Variants in MCM5 observed in about 807,000 individuals in gnomAD.
MCM5 encodes the protein minichromosome maintenance complex component 5.
A neutral mutation model predicts 79.9 loss-of-function variants in MCM5; 46 were observed. The observed-to-expected ratio is 0.58, with a 90% CI of 0.45 to 0.74. The LOEUF is 0.74. MCM5 is among the 30% of genes least tolerant of loss of function. The pLI, the probability that MCM5 is intolerant of heterozygous loss-of-function variation, is 0.00. For missense variants in MCM5, 883 were observed against 1,017.0 expected (o/e 0.87, Z 1.79); for synonymous variants, 404 against 390.5 (o/e 1.03, Z -0.41).
At chr22:35,409,003 C>T (rs1932299190) in intron 6 of MCM5, among the ~76,000 whole-genome samples, 2 of 151,978 alleles carry the variant, frequency 1.3e-5, no homozygotes, top group African/African-American at 2.4e-5. Context: ...GGCTCTGTAG[C>T]CCAGGCTGGA....
chr22:35,420,023 G>A lies in MCM5; in HGVS notation c.1832+11G>A, dbSNP rs369409476. On this transcript the variant is annotated intron_variant, in intron 14 of 16. Transcript: ENST00000216122. ...CCCCATCACTGTGCGGTGAGCAGGC[G>A]GGCAGGGCTGGGCCATGGCAGATGG... 1.2e-5 allele frequency: 19 copies of A among 1,595,834 alleles called. No individual in the cohort carries two copies. Among genetic ancestry groups the A allele is most frequent in the East Asian group, 2.3e-5 (1 of 44,244 alleles).
rs1931992085 is a variant in MCM5 at position 35,400,162 on chromosome 22, G to C, written c.-55G>C. 3 of 439,410 alleles carry C rather than the reference G, an allele frequency of 6.8e-6. No individual in the cohort carries two copies. The South Asian group carries it at 7.0e-5, about 10-fold the overall frequency. The allele number at this position is 439,410 out of a possible 1,614,324, so 27.2% of individuals were successfully genotyped here. A position where few individuals can be genotyped will look rare whatever the true frequency, so the allele number is the denominator to read the frequency against. On this transcript the variant is annotated 5_prime_UTR_variant, in exon 1 of 17. Coordinates refer to ENST00000216122, the MANE Select transcript of MCM5 (RefSeq NM_006739.4). ...TTCCCGCGAAACTCGGCGGCTGAGC[G>C]TGGAGGTTCTTGTCTCCCCTGGTTT...
At chr22:35,428,754 G>A (rs973266478), downstream of MCM5, among the ~76,000 whole-genome samples, 2 of 151,924 alleles carry the variant, frequency 1.3e-5, no homozygotes, top group African/African-American at 4.8e-5. Flanking sequence ...CTCCTACTCA[G>A]GGCTCACCAC....
In MCM5 at chr22:35,423,258, C is replaced by T. The variant is rs752267017; in HGVS notation, c.2020C>T (p.Arg674Cys). Residue 674 changes from arginine to cysteine, a missense_variant, in exon 16 of 17, where the codon CGC becomes TGC. This residue lies in a region of MCM5 where 426 missense variants were observed against 482.3 expected (regional missense o/e 0.88). Coordinates refer to ENST00000216122, the MANE Select transcript of MCM5 (RefSeq NM_006739.4). ...CCAGGAGGACCAGGAGATGCTGAGCCGCATCGAGAAGCAGCTCAAGCGCCG... is the reference window on the plus strand; with the variant it reads ...CCAGGAGGACCAGGAGATGCTGAGCTGCATCGAGAAGCAGCTCAAGCGCCG... Reference protein sequence around the residue: ...TSQEDQEMLSRIEKQLKRRFA... With the variant: ...TSQEDQEMLSCIEKQLKRRFA... 1.7e-5 allele frequency: 27 copies of T among 1,605,588 alleles called. No homozygotes were observed. Among genetic ancestry groups the T allele is most frequent in the East Asian group, 9.0e-5 (4 of 44,336 alleles).
chr22:35,430,013 C>T (rs1254115950), downstream of MCM5, among the ~76,000 whole-genome samples: 2 of 152,194 alleles, frequency 1.3e-5, no homozygotes, highest in African/African-American at 4.8e-5. Flanking sequence ...AGTCTTGCAT[C>T]CCAGGAGCCC....
At chr22:35,407,413 G>A (rs1376083510) in intron 5 of MCM5, among the ~76,000 whole-genome samples, 1 of 151,980 alleles carries the variant, frequency 6.6e-6, no homozygotes, top group Non-Finnish European at 1.5e-5. Flanking sequence ...CAGCAGCCAG[G>A]TGTCCCTTGA....
At chr22:35,433,235 C>T in the MCM5 span, among the ~76,000 whole-genome samples, 1 of 152,144 alleles carries the variant, frequency 6.6e-6, no homozygotes, top group African/African-American at 2.4e-5. Context: ...TGGGCCTGGC[C>T]CCTTGATTCC....
intron 13 of MCM5, among the ~76,000 whole-genome samples, chr22:35,418,636 G>A (rs1204260588): frequency 6.7e-6 from 1 of 150,272 alleles, no homozygotes; most frequent in African/African-American, 2.5e-5. Context: ...CTTCAGCCTG[G>A]GCAACAGAGT....
chr22:35,421,259 G>A, intron 14 of MCM5, 59 bp from the exon 15 acceptor site: 1 of 1,562,838 alleles, frequency 6.4e-7, no homozygotes. Flanking sequence ...TAACGGGCTG[G>A]CTGGGGAGGA....
At position 35,416,663 on chromosome 22, in the gene MCM5, C is replaced by G. The variant is rs199670809; in HGVS notation, c.1439C>G (p.Ser480Cys). The G allele has an allele frequency of 1.4e-5, 23 of 1,613,986 alleles. No individual in the cohort carries two copies. Among genetic ancestry groups the G allele is most frequent in the Non-Finnish European group, 1.9e-5 (22 of 1,180,030 alleles). ...AKAGITTTLN[S>C]RCSVLAAANS... ...GCTGGGATCACCACCACCCTGAACT[C>G]CCGCTGCTCCGTCCTGGCTGCTGCC... Residue 480 changes from serine (S) to cysteine (C), a missense_variant, in exon 12 of 17, where the codon TCC (serine) becomes TGC (cysteine). Coordinates refer to ENST00000216122, the MANE Select transcript of MCM5 (RefSeq NM_006739.4).
intron 6 of MCM5, among the ~76,000 whole-genome samples, chr22:35,409,181 T>C (rs1444535223): frequency 6.6e-6 from 1 of 152,176 alleles, no homozygotes; most frequent in Non-Finnish European, 1.5e-5. Context: ...GCCAGGATGG[T>C]CTCGATCTCC....
At position 35,417,855 on chromosome 22, in the gene MCM5, G is replaced by T; in HGVS notation, c.1702G>T (p.Val568Leu). 6.2e-7 allele frequency: 1 copy of T among 1,613,254 alleles called. No individual in the cohort carries two copies. The highest frequency in any genetic ancestry group is 8.5e-7 in the Non-Finnish European group (1 of 1,179,218). The part of the protein sequence containing the change: ...KLKKFIAYCR[V>L]KCGPRLSAEA... ...GAAGAAGTTTATTGCCTACTGCCGA[G>T]TGTGAGTCCTGGACGCAGGCCCACG... Residue 568 changes from valine (V) to leucine (L), a missense_variant and splice_region_variant, in exon 13 of 17, where the codon GTG (valine) becomes TTG (leucine). Physicochemically the swap from Val to Leu is conservative, Grantham distance 32 (BLOSUM62 1). This residue lies in a region of MCM5 where 426 missense variants were observed against 482.3 expected (regional missense o/e 0.88). Transcript: ENST00000216122.
At chr22:35,400,289 T>C in intron 1 of MCM5, 81 bp downstream of exon 1, 2 of 832,580 alleles carry the variant, frequency 2.4e-6, no homozygotes, top group South Asian at 3.0e-5. Flanking sequence ...GGGACAGGAG[T>C]TTCTCGGGAA....
chr22:35,406,550 C>T lies in MCM5; in HGVS notation c.424-3C>T. On this transcript the variant is annotated splice_region_variant and splice_polypyrimidine_tract_variant and intron_variant, in intron 4 of 16. Transcript: ENST00000216122. ...AACAAGCTTCCCGATGGCTCTATTA[C>T]AGTCGGACATGATGTCACACCTGGT... is the stretch of plus-strand genomic sequence containing the variant. 1.9e-6 allele frequency: 3 copies of T among 1,612,360 alleles called. No homozygotes were observed. Among genetic ancestry groups the T allele is most frequent in the South Asian group, 1.1e-5 (1 of 90,806 alleles).
Position 35,403,844 on chromosome 22 carries a change from A to G in MCM5, c.423+302A>G, listed in dbSNP as rs961887956. Reference sequence around the variant, plus strand: ...AGAATTTTAAAGTAAATTCATGCACAGTGGCTCATGCCTCTAATCTTAGCA... The same window carrying G: ...AGAATTTTAAAGTAAATTCATGCACGGTGGCTCATGCCTCTAATCTTAGCA... On this transcript the variant is annotated intron_variant, in intron 4 of 16. Coordinates refer to ENST00000216122, the MANE Select transcript of MCM5 (RefSeq NM_006739.4). Among the ~76,000 whole-genome samples, 4 of 152,232 alleles carry G rather than the reference A, an allele frequency of 2.6e-5. No homozygotes were observed. The East Asian group carries it at 7.7e-4, about 29-fold the overall frequency.
intron 7 of MCM5, chr22:35,411,594 C>A (rs938354006): frequency 2.0e-5 from 3 of 152,254 alleles, no homozygotes; most frequent in Admixed American, 2.0e-4. Flanking sequence ...CCTGCTTACA[C>A]CTGAGGGCAG....
the MCM5 span, among the ~76,000 whole-genome samples, chr22:35,442,471 G>A: frequency 2.0e-5 from 3 of 152,166 alleles, no homozygotes; most frequent in Admixed American, 2.0e-4. Flanking sequence ...GCCTCACCGG[G>A]CTACAGTCAA....
At chr22:35,438,035 G>A in the MCM5 span, among the ~76,000 whole-genome samples, 1 of 152,102 alleles carries the variant, frequency 6.6e-6, no homozygotes, top group African/African-American at 2.4e-5. Flanking sequence ...GCGAGGGCAA[G>A]GAAGGGAAAG....
intron 2 of MCM5, 141 bp from the exon 3 acceptor site, chr22:35,403,066 G>A: frequency 1.0e-6 from 1 of 976,334 alleles, no homozygotes; most frequent in Non-Finnish European, 1.5e-6. Context: ...TCTGGAATTA[G>A]ATGTGTGTTT....
Sources: gnomAD v4.1 joint callset for allele counts (sites outside exome capture counted in the v4.1 genomes callset) on GRCh38, gnomAD v4.1.1 for gene constraint, gnomAD v4.1.1 regional missense constraint, MANE v1.5 for transcripts, NCBI Gene and HGNC (gene_info 2026-07-23, HGNC 2026-07-21) for gene names.